The following ANTXR2 variants were observed in gnomAD, a reference collection of about 807,000 sequenced individuals.
ANTXR2 encodes anthrax toxin receptor 2.
In ANTXR2, 44 loss-of-function variants were observed where a neutral mutation model predicts 73.7. That is an observed-to-expected ratio of 0.60 (90% confidence interval 0.47 to 0.77). ANTXR2 has a LOEUF of 0.77. ANTXR2 is among the 30% of genes least tolerant of loss of function. ANTXR2 has a pLI of 0.00. For synonymous variants in ANTXR2, 217 were observed against 205.9 expected (o/e 1.05, Z -0.46); for missense variants, 604 against 592.5 (o/e 1.02, Z -0.20).
At chr4:79,955,986 C>CA (rs1728871419) in intron 16 of ANTXR2, among the ~76,000 whole-genome samples, 1 of 152,128 alleles carries the variant, frequency 6.6e-6, no homozygotes, top group South Asian at 2.1e-4. Flanking sequence ...TAAGCTAGTT[C>CA]ATCCCTCTTG....
Position 80,008,515 on chromosome 4 carries a change from A to G in ANTXR2, c.1041+6T>C, listed in dbSNP as rs774327254. The G allele has an allele frequency of 4.4e-6, 7 of 1,598,558 alleles. No individual in the cohort carries two copies. The highest frequency in any genetic ancestry group is 6.0e-6 in the Non-Finnish European group (7 of 1,169,170). ...TTAAGTAGAGTTGTAAATCCTTCTT[A>G]CTCACCACTTTGCAGCAAAGGGGCC... On this transcript the variant is annotated splice_donor_region_variant and intron_variant, in intron 12 of 16. Transcript: ENST00000403729.
chr4:80,071,785 T>C, intron 1 of ANTXR2, 131 bp from the exon 2 acceptor site: 1 of 686,114 alleles, frequency 1.5e-6, no homozygotes, highest in Non-Finnish European at 2.5e-6. Flanking sequence ...AGTAAGGGTA[T>C]CTGTAGCTGA....
chr4:79,984,418 TA>T, intron 13 of ANTXR2, among the ~76,000 whole-genome samples: 1 of 152,216 alleles, frequency 6.6e-6, no homozygotes, highest in Non-Finnish European at 1.5e-5. Context: ...GCACATTCCT[TA>T]TTTCATGTTC....
intron 16 of ANTXR2, among the ~76,000 whole-genome samples, chr4:79,914,765 C>T (rs1471176425): frequency 1.3e-5 from 2 of 152,138 alleles, no homozygotes; most frequent in Non-Finnish European, 2.9e-5. Context: ...TCCCAAAGTT[C>T]TTCTATGATA....
At chr4:79,979,271 T>C (rs1729780964) in intron 14 of ANTXR2, among the ~76,000 whole-genome samples, 1 of 151,604 alleles carries the variant, frequency 6.6e-6, no homozygotes, top group Admixed American at 6.6e-5. Context: ...CAACCAGGAG[T>C]AGTGGAAAGC....
At position 79,903,858 on chromosome 4, in the gene ANTXR2, G is replaced by A. The variant is rs1292861034; in HGVS notation, c.*3571C>T. On this transcript the variant is annotated 3_prime_UTR_variant, in exon 17 of 17. Coordinates refer to ENST00000403729, the MANE Select transcript of ANTXR2 (RefSeq NM_058172.6). ...AATGATGCATATATTTCTTTCCTGT[G>A]TACATATACCCACCAAACTTTTCCA... is the stretch of plus-strand genomic sequence containing the variant. 1 of 151,932 alleles carries A rather than the reference G, an allele frequency of 6.6e-6. No individual in the cohort carries two copies. Among genetic ancestry groups the A allele is most frequent in the Non-Finnish European group, 1.5e-5 (1 of 68,006 alleles). The allele number at this position is 151,932 out of a possible 1,614,324, so 9.4% of individuals were successfully genotyped here.
chr4:80,005,887 T>C (rs1485680018), intron 12 of ANTXR2, among the ~76,000 whole-genome samples: 1 of 152,080 alleles, frequency 6.6e-6, no homozygotes, highest in East Asian at 1.9e-4. Context: ...TGGGAAGAGA[T>C]CAGACTTTCT....
At chr4:79,976,248 G>A (rs1337598069) in intron 16 of ANTXR2, among the ~76,000 whole-genome samples, 2 of 152,138 alleles carry the variant, frequency 1.3e-5, no homozygotes, top group African/African-American at 2.4e-5. Context: ...CCCTGAAGTT[G>A]AAGTTCATTA....
At chr4:80,008,927 A>G (rs1731437854) in intron 11 of ANTXR2, among the ~76,000 whole-genome samples, 1 of 152,234 alleles carries the variant, frequency 6.6e-6, no homozygotes. Context: ...ACTGGTCTCT[A>G]TCTTTCATGT....
rs530398841 is a variant in ANTXR2 at position 80,003,344 on chromosome 4, AG to A, written c.1041+5176del. Among the ~76,000 whole-genome samples the A allele has an allele frequency of 1.8e-3, 264 of 142,800 alleles. 1 individual carries two copies. Among genetic ancestry groups the A allele is most frequent in the South Asian group, 3.3e-3 (14 of 4,180 alleles). The allele number at this position is 142,800 out of a possible 152,430, so 93.7% of individuals were successfully genotyped here. ...CCAAACACCGCATATTCTCACTCAT[AG>A]GTGGGAATTGAACAATGAGAACACA... On this transcript the variant is annotated intron_variant, in intron 12 of 16. Transcript: ENST00000403729.
intron 7 of ANTXR2, among the ~76,000 whole-genome samples, chr4:80,036,588 G>T (rs1732978616): frequency 6.6e-6 from 1 of 152,014 alleles, no homozygotes; most frequent in African/African-American, 2.4e-5. Context: ...ATCACTTGGG[G>T]TCAGGAGTTC....
intron 3 of ANTXR2, 81 bp from the exon 4 acceptor site, chr4:80,056,094 T>C: frequency 1.1e-6 from 1 of 933,946 alleles, no homozygotes; most frequent in African/African-American, 1.7e-5. Context: ...CATGGCAGTA[T>C]TGTAACTAAG....
Position 80,069,580 on chromosome 4 carries a change from G to C in ANTXR2, c.225-73C>G, listed in dbSNP as rs958274583. ...TTGATACGATACAGATGTATAGTTAGGGAGGTTCATTTAAAATTGGTCTCA... is the reference window on the plus strand; with the variant it reads ...TTGATACGATACAGATGTATAGTTACGGAGGTTCATTTAAAATTGGTCTCA... On this transcript the variant is annotated intron_variant, in intron 2 of 16. Transcript: ENST00000403729. 3 of 1,215,362 alleles carry C rather than the reference G, an allele frequency of 2.5e-6. No homozygotes were observed. In the East Asian group the frequency reaches 7.7e-5, roughly 31 times the overall value. 75.3% of individuals were successfully genotyped at this position (1,215,362 alleles called of 1,614,324 possible). A position where few individuals can be genotyped will look rare whatever the true frequency, so the allele number is the denominator to read the frequency against.
At chr4:79,927,292 T>TA (rs1359264410) in intron 16 of ANTXR2, among the ~76,000 whole-genome samples, 97 of 47,922 alleles carry the variant, frequency 2.0e-3, no homozygotes, top group African/African-American at 6.5e-3. Flanking sequence ...TAGGAGCTCT[T>TA]ACCACACACA....
At chr4:80,065,755 T>A (rs779574318) in intron 3 of ANTXR2, among the ~76,000 whole-genome samples, 5 of 152,172 alleles carry the variant, frequency 3.3e-5, no homozygotes, top group Non-Finnish European at 2.9e-5. Context: ...CTAAGAATCT[T>A]CAGCAACACT....
At position 80,008,596 on chromosome 4, in the gene ANTXR2, G is replaced by C. The variant is rs1449201681; in HGVS notation, c.966C>G (p.Ile322Met). Residue 322 changes from isoleucine to methionine, a missense_variant, in exon 12 of 17, where the codon ATC (isoleucine) becomes ATG (methionine). Physicochemically the swap from Ile to Met is conservative, Grantham distance 10. Coordinates refer to ENST00000403729, the MANE Select transcript of ANTXR2 (RefSeq NM_058172.6). ...GTAGCAGTAACACCAAAATAACAAT[G>C]ATGGCTGCGATCCCGTTAGACTAAA... ...ATECSNGIAA[I>M]IVILVLLLLL... 6.2e-7 allele frequency: 1 copy of C among 1,603,534 alleles called. No individual in the cohort carries two copies. The highest frequency in any genetic ancestry group is 8.5e-7 in the Non-Finnish European group (1 of 1,176,102).
chr4:79,902,200 G>A lies in ANTXR2; in HGVS notation c.*5229C>T, dbSNP rs1007061249. On this transcript the variant is annotated 3_prime_UTR_variant, in exon 17 of 17. Transcript: ENST00000403729. ...GATACAAATAACTTCATGGCAATTA[G>A]GAAACCCTATTTAGGTTCCACTTTT... The A allele has an allele frequency of 2.0e-5, 3 of 152,082 alleles. No individual in the cohort carries two copies. Among genetic ancestry groups the A allele is most frequent in the African/African-American group, 7.2e-5 (3 of 41,394 alleles). The allele number at this position is 152,082 out of a possible 1,614,324, so 9.4% of individuals were successfully genotyped here.
chr4:79,927,051 G>A (rs532556338), intron 16 of ANTXR2, among the ~76,000 whole-genome samples: 284 of 50,430 alleles, frequency 5.6e-3, no homozygotes, highest in African/African-American at 0.01. Context: ...ATATATGTGC[G>A]TGTGTGTGTG....
intron 7 of ANTXR2, among the ~76,000 whole-genome samples, chr4:80,047,834 C>G (rs2110099985): frequency 6.6e-6 from 1 of 151,778 alleles, no homozygotes; most frequent in East Asian, 1.9e-4. Flanking sequence ...TCCAGCTGTA[C>G]CTGAGGTAAT....
Sources: gnomAD v4.1 joint callset for allele counts (sites outside exome capture counted in the v4.1 genomes callset) on GRCh38, gnomAD v4.1.1 for gene constraint, MANE v1.5 for transcripts, NCBI Gene and HGNC (gene_info 2026-07-23, HGNC 2026-07-21) for gene names.